Variants in POGLUT2 observed in about 807,000 individuals in gnomAD.
POGLUT2 encodes protein O-glucosyltransferase 2.
Under a neutral mutation model 57.6 loss-of-function variants are expected in POGLUT2, and 47 were observed. That is an observed-to-expected ratio of 0.82 (90% CI 0.65 to 1.04). The LOEUF is 1.04. POGLUT2 is among the 50% of genes least tolerant of loss of function. The pLI is 0.00. For missense variants in POGLUT2, 565 were observed against 614.8 expected, an observed-to-expected ratio of 0.92 and a Z score of 0.86; for synonymous variants, 200 against 218.8, an observed-to-expected ratio of 0.91 and a Z score of 0.76.
intron 7 of POGLUT2, among the ~76,000 whole-genome samples, chr13:102,788,252 A>C (rs186813190): frequency 1.4e-3 from 220 of 152,356 alleles, no homozygotes; most frequent in African/African-American, 5.1e-3. Flanking sequence ...TTCAGGAGAC[A>C]ATTAGCTTAA....
At position 102,789,010 on chromosome 13, in the gene POGLUT2, A is replaced by C; in HGVS notation, c.1293+2T>G. Reference sequence around the variant, plus strand: ...ATAAGCCTTCAAGGGGACTAACCTTACCTCTTCATCGTGATCTTTCGCCCA... The same window carrying C: ...ATAAGCCTTCAAGGGGACTAACCTTCCCTCTTCATCGTGATCTTTCGCCCA... On this transcript the variant is annotated splice_donor_variant, in intron 7 of 9. Coordinates refer to ENST00000376004, the MANE Select transcript of POGLUT2 (RefSeq NM_024089.3). LOFTEE classifies it high-confidence loss of function. 1.2e-6 allele frequency: 2 copies of C among 1,611,904 alleles called. No homozygotes were observed. The highest frequency in any genetic ancestry group is 1.7e-6 in the Non-Finnish European group (2 of 1,178,494).
At chr13:102,796,423 C>T (rs1228979613) in intron 2 of POGLUT2, among the ~76,000 whole-genome samples, 2 of 151,162 alleles carry the variant, frequency 1.3e-5, no homozygotes, top group African/African-American at 4.8e-5. Context: ...GAGCTATCTC[C>T]CTTCCTGAAG....
chr13:102,791,267 G>A lies in POGLUT2; in HGVS notation c.836C>T (p.Thr279Ile), dbSNP rs1344047193. ...TYDLTDSVLE[T>I]MGRVSLDMMS... Reference sequence around the variant, plus strand: ...CTGACTTATCTCTCACCGGCCCATGGTTTCCAGAACAGAATCAGTCAAATC... The same window carrying A: ...CTGACTTATCTCTCACCGGCCCATGATTTCCAGAACAGAATCAGTCAAATC... The change falls in exon 5 of 10, where the codon ACC (threonine) becomes ATC (isoleucine). Residue 279 changes from threonine to isoleucine, a missense_variant. Thr to Ile is a moderately conservative substitution (Grantham distance 89). Coordinates refer to ENST00000376004, the MANE Select transcript of POGLUT2 (RefSeq NM_024089.3). The A allele has an allele frequency of 1.2e-6, 2 of 1,602,514 alleles. No homozygotes were observed. Among genetic ancestry groups the A allele is most frequent in the African/African-American group, 2.7e-5 (2 of 73,998 alleles).
Position 102,786,301 on chromosome 13 carries a change from TC to T in POGLUT2, c.1421del (p.Arg474GlnfsTer4). ...ANLQVSEPQI[R>X]EGMKRVEPQT... is the part of the protein sequence containing the mutation. Reference sequence around the variant, plus strand: ...GTGGTTCTACCCTTTTCATGCCCTCTCGGATTTGGGGCTCACTCACTTGTAA... The same window carrying T: ...GTGGTTCTACCCTTTTCATGCCCTCTGGATTTGGGGCTCACTCACTTGTAA... On this transcript the variant is annotated frameshift_variant, in exon 9 of 10. Coordinates refer to ENST00000376004, the MANE Select transcript of POGLUT2 (RefSeq NM_024089.3). LOFTEE classifies it high-confidence loss of function. The T allele has an allele frequency of 6.2e-7, 1 of 1,613,988 alleles. No individual in the cohort carries two copies. Among genetic ancestry groups the T allele is most frequent in the South Asian group, 1.1e-5 (1 of 91,078 alleles).
chr13:102,784,506 C>T lies in POGLUT2; in HGVS notation c.1498G>A (p.Asp500Asn). The T allele has an allele frequency of 6.5e-7, 1 of 1,546,948 alleles. No homozygotes were observed. The highest frequency in any genetic ancestry group is 8.9e-7 in the Non-Finnish European group (1 of 1,124,532). ...PCTCHRKKTK[D>N]EL The stretch of plus-strand genomic sequence containing the variant: ...AGTTATTTTGCATATCAGAGTTCAT[C>T]TTTGGTCTGCAATTAAGAAGCAAAA... The change falls in exon 10 of 10, where the codon GAT becomes AAT. Residue 500 changes from aspartate (D) to asparagine (N), a missense_variant. Coordinates refer to ENST00000376004, the MANE Select transcript of POGLUT2 (RefSeq NM_024089.3).
chr13:102,794,128 T>C (rs1055314726), intron 2 of POGLUT2, among the ~76,000 whole-genome samples: 5 of 152,040 alleles, frequency 3.3e-5, no homozygotes, highest in Admixed American at 1.3e-4. Context: ...TTTCAGCTAC[T>C]TGGGAGGCTG....
intron 4 of POGLUT2, among the ~76,000 whole-genome samples, chr13:102,792,808 G>A (rs1399106820): frequency 6.6e-6 from 1 of 152,062 alleles, no homozygotes; most frequent in Non-Finnish European, 1.5e-5. Context: ...TTTTTGGGGG[G>A]GGACAGGATC....
At chr13:102,787,245 C>A (rs1334188486) in intron 8 of POGLUT2, among the ~76,000 whole-genome samples, 1 of 152,070 alleles carries the variant, frequency 6.6e-6, no homozygotes, top group Non-Finnish European at 1.5e-5. Context: ...CGGGGTTTCA[C>A]CATGTTGGCC....
At chr13:102,796,751 A>T in intron 2 of POGLUT2, 53 bp downstream of exon 2, 1 of 849,550 alleles carries the variant, frequency 1.2e-6, no homozygotes, top group Non-Finnish European at 1.9e-6. Flanking sequence ...TGATGGAATA[A>T]CATATATTAT....
chr13:102,785,621 C>T (rs1877911699), intron 9 of POGLUT2, among the ~76,000 whole-genome samples: 1 of 152,156 alleles, frequency 6.6e-6, no homozygotes, highest in Non-Finnish European at 1.5e-5. Context: ...TTGGTTTTTG[C>T]TTTGCTATAA....
At chr13:102,789,937 A>T (rs546064480) in intron 6 of POGLUT2, among the ~76,000 whole-genome samples, 1 of 152,308 alleles carries the variant, frequency 6.6e-6, no homozygotes, top group South Asian at 2.1e-4. Context: ...GTCTTAAAGA[A>T]ATTAGCAAGC....
chr13:102,796,550 G>A (rs528555667), intron 2 of POGLUT2, among the ~76,000 whole-genome samples: 24 of 150,416 alleles, frequency 1.6e-4, no homozygotes, highest in African/African-American at 3.6e-4. Flanking sequence ...GTATGTCTTC[G>A]CGGAGTAAAT....
chr13:102,789,082 T>C lies in POGLUT2; in HGVS notation c.1223A>G (p.Tyr408Cys). The change falls in exon 7 of 10, where the codon TAC becomes TGC. Residue 408 changes from tyrosine to cysteine, a missense_variant. Transcript: ENST00000376004. ...GCTCAGGTTGCTCTTAACTGGAATG[T>C]AGTGTTTCCAGGGCTGCAGCTCATT... The part of the protein sequence containing the change: ...FYNELQPWKH[Y>C]IPVKSNLSDL... 41 of 1,614,160 alleles carry C rather than the reference T, an allele frequency of 2.5e-5. 1 individual carries two copies. The highest frequency in any genetic ancestry group is 3.3e-5 in the Non-Finnish European group (39 of 1,179,990).
At position 102,798,551 on chromosome 13, in the gene POGLUT2, T is replaced by C. The variant is rs756327554; in HGVS notation, c.120A>G (p.Lys40=). 6.8e-6 allele frequency: 11 copies of C among 1,613,184 alleles called. No individual in the cohort carries two copies. In the South Asian group the frequency reaches 1.2e-4, roughly 18 times the overall value. The part of the protein sequence containing the change: ...EKSEIWGPGL[K]ADVVLPARYF... ...AGCGGGCGGGAAGGACGACGTCTGC[T>C]TTTAGCCCGGGTCCCCATATTTCGC... Residue 40 remains lysine (K), a synonymous_variant, in exon 1 of 10, where the codon AAA becomes AAG. Transcript: ENST00000376004.
chr13:102,793,654 T>C lies in POGLUT2; in HGVS notation c.541A>G (p.Lys181Glu), dbSNP rs1878268360. Residue 181 changes from lysine (K) to glutamate (E), a missense_variant, in exon 3 of 10, where the codon AAA becomes GAA. Lys to Glu is a moderately conservative substitution (Grantham distance 56). Coordinates refer to ENST00000376004, the MANE Select transcript of POGLUT2 (RefSeq NM_024089.3). ...AGGCTCTGCCTCTGTCCAAATCTTT[T>C]TGGGATTTCTACTGCAATCTTTTCT... ...DPEKIAVEIP[K>E]RFGQRQSLCH... The C allele has an allele frequency of 1.2e-6, 2 of 1,614,208 alleles. No homozygotes were observed. The highest frequency in any genetic ancestry group is 8.5e-7 in the Non-Finnish European group (1 of 1,180,038).
intron 2 of POGLUT2, among the ~76,000 whole-genome samples, chr13:102,794,352 T>C (rs1054956471): frequency 1.3e-5 from 2 of 151,926 alleles, no homozygotes; most frequent in South Asian, 2.1e-4. Context: ...AGGTCTACTT[T>C]GCATGAGTTC....
chr13:102,788,779 C>T (rs1878054028), intron 7 of POGLUT2, among the ~76,000 whole-genome samples: 1 of 152,236 alleles, frequency 6.6e-6, no homozygotes, highest in South Asian at 2.1e-4. Context: ...AGCCACCGCA[C>T]CCAGCCTAGC....
chr13:102,784,421 C>T lies in POGLUT2; in HGVS notation c.*74G>A, dbSNP rs760186990. The T allele has an allele frequency of 2.2e-6, 2 of 889,214 alleles. No homozygotes were observed. Among genetic ancestry groups the T allele is most frequent in the Non-Finnish European group, 3.7e-6 (2 of 544,088 alleles). The allele number at this position is 889,214 out of a possible 1,614,324, so 55.1% of individuals were successfully genotyped here. ...TTTTATATTGTCCATGGAATTAATA[C>T]TTAAAAAAATTCTTCTTTTTAGTTA... On this transcript the variant is annotated 3_prime_UTR_variant, in exon 10 of 10. Coordinates refer to ENST00000376004, the MANE Select transcript of POGLUT2 (RefSeq NM_024089.3).
At chr13:102,785,820 T>C (rs1024038725) in intron 9 of POGLUT2, among the ~76,000 whole-genome samples, 1 of 152,242 alleles carries the variant, frequency 6.6e-6, no homozygotes, top group African/African-American at 2.4e-5. Context: ...AAATGAAGAA[T>C]TGGAAAACAT....
Sources: allele counts gnomAD v4.1 joint callset (sites outside exome capture counted in the v4.1 genomes callset), GRCh38; gene constraint gnomAD v4.1.1; transcripts MANE v1.5; gene names NCBI Gene and HGNC (gene_info 2026-07-23, HGNC 2026-07-21).